Variants in CNTNAP2 observed in about 807,000 individuals in gnomAD.
CNTNAP2 encodes the protein contactin-associated protein-like 2.
Under a neutral mutation model 155.2 loss-of-function variants are expected in CNTNAP2, and 98 were observed. The ratio of observed to expected loss-of-function variants is 0.63; its 90% CI spans 0.54 to 0.75. The LOEUF is 0.75. CNTNAP2 is among the 30% of genes least tolerant of loss of function. The pLI is 0.00. For missense variants in CNTNAP2, 1,727 were observed against 1,688.1 expected (o/e 1.02, Z -0.40); for synonymous variants, 651 against 631.2 (o/e 1.03, Z -0.47).
At chr7:147,832,658 A>ATATATTTCAATATATTATATTTCATAT (rs1468299896) in intron 13 of CNTNAP2, among the ~76,000 whole-genome samples, 6 of 138,686 alleles carry the variant, frequency 4.3e-5, no homozygotes, top group East Asian at 2.0e-4. Flanking sequence ...TTATATTTCA[A>ATATATTTCAATATATTATATTTCATAT]TATATTTCAA....
At chr7:147,604,997 C>A (rs1368383581) in intron 12 of CNTNAP2, among the ~76,000 whole-genome samples, 1 of 152,058 alleles carries the variant, frequency 6.6e-6, no homozygotes, top group African/African-American at 2.4e-5. Flanking sequence ...TGAAAATGAC[C>A]TAGCCCATTT....
At chr7:146,688,538 G>T (rs1258984048) in intron 1 of CNTNAP2, among the ~76,000 whole-genome samples, 1 of 152,036 alleles carries the variant, frequency 6.6e-6, no homozygotes, top group Non-Finnish European at 1.5e-5. Context: ...AGGGGCAGGG[G>T]TCACAAGGTG....
At chr7:148,288,244 C>T (rs376371668) in intron 21 of CNTNAP2, among the ~76,000 whole-genome samples, 108 of 151,870 alleles carry the variant, frequency 7.1e-4, no homozygotes, top group African/African-American at 2.3e-3. Context: ...GGATTACAGG[C>T]GCCCACCACC....
intron 15 of CNTNAP2, among the ~76,000 whole-genome samples, chr7:148,034,636 T>C (rs1802540195): frequency 6.6e-6 from 1 of 152,164 alleles, no homozygotes; most frequent in Admixed American, 6.5e-5. Flanking sequence ...AGAAAATGGG[T>C]ACCAGAGAGA....
chr7:147,089,782 T>G (rs1324348063), intron 4 of CNTNAP2, among the ~76,000 whole-genome samples: 1 of 152,126 alleles, frequency 6.6e-6, no homozygotes, highest in Admixed American at 6.6e-5. Flanking sequence ...ATAAAGAAAT[T>G]CTGGCTTATA....
chr7:146,508,144 A>T (rs956147261), intron 1 of CNTNAP2, among the ~76,000 whole-genome samples: 1 of 152,198 alleles, frequency 6.6e-6, no homozygotes, highest in African/African-American at 2.4e-5. Context: ...TCCATGCACT[A>T]TCTGCACCTC....
intron 15 of CNTNAP2, among the ~76,000 whole-genome samples, chr7:148,005,156 G>A (rs926776890): frequency 5.9e-5 from 9 of 152,124 alleles, no homozygotes; most frequent in Non-Finnish European, 1.3e-4. Flanking sequence ...CCTGAGCCCA[G>A]GCTGGCAACA....
chr7:147,477,473 C>A (rs778942409), intron 10 of CNTNAP2, among the ~76,000 whole-genome samples: 7 of 152,110 alleles, frequency 4.6e-5, no homozygotes, highest in Non-Finnish European at 7.3e-5. Context: ...CTACTTGGAG[C>A]ATTAAAATAG....
At chr7:146,525,532 T>TTATCTATC (rs71175655) in intron 1 of CNTNAP2, among the ~76,000 whole-genome samples, 7,098 of 147,908 alleles carry the variant, frequency 0.048, 204 homozygotes, top group Admixed American at 0.059. Flanking sequence ...TCTTTTCAGT[T>TTATCTATC]TATCTATCTA....
At chr7:146,849,073 A>G (rs1457987682) in intron 3 of CNTNAP2, among the ~76,000 whole-genome samples, 1 of 152,120 alleles carries the variant, frequency 6.6e-6, no homozygotes, top group Non-Finnish European at 1.5e-5. Context: ...GAGCCACTGC[A>G]CCCAGCAAAA....
chr7:147,369,254 T>C (rs1584904901), intron 9 of CNTNAP2, among the ~76,000 whole-genome samples: 1 of 152,262 alleles, frequency 6.6e-6, no homozygotes, highest in Non-Finnish European at 1.5e-5. Context: ...CAGCATCGTA[T>C]TGGATATCTT....
intron 19 of CNTNAP2, among the ~76,000 whole-genome samples, chr7:148,225,429 G>A (rs1340128825): frequency 6.6e-6 from 1 of 152,154 alleles, no homozygotes; most frequent in Non-Finnish European, 1.5e-5. Flanking sequence ...TGACTGCAAA[G>A]GCCCTTGGGT....
At chr7:146,245,460 A>G (rs1206250282) in intron 1 of CNTNAP2, among the ~76,000 whole-genome samples, 4 of 152,310 alleles carry the variant, frequency 2.6e-5, no homozygotes, top group South Asian at 2.1e-4. Flanking sequence ...TTAGGGCGGC[A>G]GCAGCCGCTG....
At chr7:146,197,466 A>G (rs1190323438) in intron 1 of CNTNAP2, among the ~76,000 whole-genome samples, 2 of 152,160 alleles carry the variant, frequency 1.3e-5, no homozygotes, top group Non-Finnish European at 2.9e-5. Flanking sequence ...TGAAATTTAA[A>G]TTCAAGAAAT....
At chr7:146,416,397 A>T (rs1795939194) in intron 1 of CNTNAP2, among the ~76,000 whole-genome samples, 6 of 151,972 alleles carry the variant, frequency 3.9e-5, no homozygotes, top group Admixed American at 3.9e-4. Context: ...TTGCAACCAC[A>T]TTACACACAG....
intron 3 of CNTNAP2, among the ~76,000 whole-genome samples, chr7:146,994,395 A>G (rs1798268481): frequency 1.3e-5 from 2 of 152,172 alleles, no homozygotes; most frequent in East Asian, 3.9e-4. Context: ...TCCTTTTCAA[A>G]TGTGTAATTT....
At chr7:147,517,825 A>G (rs1314776946) in intron 11 of CNTNAP2, among the ~76,000 whole-genome samples, 1 of 151,852 alleles carries the variant, frequency 6.6e-6, no homozygotes, top group East Asian at 1.9e-4. Context: ...TTTTTTAGCC[A>G]GTCATTTTAG....
rs1385463774 is a variant in CNTNAP2, at chr7:146,123,051, AT to A, written c.97+6084del. ...TCATAATAACAGCTTGAAGTAACTG[AT>A]TTTTTATGACACTGCAGATTTTAAA... On this transcript the variant is annotated intron_variant, in intron 1 of 23. Transcript: ENST00000361727. Among the ~76,000 whole-genome samples the A allele has an allele frequency of 3.3e-5, 5 of 152,250 alleles. No homozygotes were observed. The East Asian group carries it at 9.7e-4, about 29-fold the overall frequency.
At chr7:147,952,524 A>G (rs1298471705) in intron 14 of CNTNAP2, among the ~76,000 whole-genome samples, 1 of 152,042 alleles carries the variant, frequency 6.6e-6, no homozygotes, top group Non-Finnish European at 1.5e-5. Context: ...ATTAAATTGA[A>G]CATATTTCTT....
Sources: gnomAD v4.1 joint callset for allele counts (sites outside exome capture counted in the v4.1 genomes callset) on GRCh38, gnomAD v4.1.1 for gene constraint, MANE v1.5 for transcripts, NCBI Gene and HGNC (gene_info 2026-07-23, HGNC 2026-07-21) for gene names.